Variants in DRC11 observed in about 807,000 individuals in gnomAD.
DRC11 encodes dynein regulatory complex subunit 11.
chr2:236,371,843 T>C, the DRC11 span, among the ~76,000 whole-genome samples: 2 of 152,196 alleles, frequency 1.3e-5, no homozygotes, highest in African/African-American at 2.4e-5. The surrounding 1 kb of genome is among the most constrained non-coding windows in gnomAD (Gnocchi z 5.1). Context: ...GAGCATCTTA[T>C]GTATGTCACT....
the DRC11 span, among the ~76,000 whole-genome samples, chr2:236,309,371 T>C: frequency 6.6e-6 from 1 of 152,122 alleles, no homozygotes; most frequent in Non-Finnish European, 1.5e-5. This position sits in a 1 kb window ranked among gnomAD's most constrained non-coding sequence, Gnocchi z 5.7. Context: ...CTACCAAGTC[T>C]AGCCCATCCC....
At chr2:236,389,535 C>T in the DRC11 span, among the ~76,000 whole-genome samples, 3 of 152,154 alleles carry the variant, frequency 2.0e-5, no homozygotes, top group African/African-American at 4.8e-5. Flanking sequence ...GACCGGTGCG[C>T]GCACCCACTG....
At chr2:236,427,038 T>C in the DRC11 span, among the ~76,000 whole-genome samples, 1 of 152,210 alleles carries the variant, frequency 6.6e-6, no homozygotes, top group Non-Finnish European at 1.5e-5. This position sits in a 1 kb window ranked among gnomAD's most constrained non-coding sequence, Gnocchi z 5.9. Context: ...AAAATGATCA[T>C]ATGATTTTTA....
chr2:236,490,476 G>A, the DRC11 span, among the ~76,000 whole-genome samples: 6 of 152,184 alleles, frequency 3.9e-5, no homozygotes, highest in African/African-American at 9.7e-5. The surrounding 1 kb of genome is among the most constrained non-coding windows in gnomAD (Gnocchi z 5.5). Context: ...CAAATTTGCA[G>A]TGAGCACACA....
chr2:236,367,117 G>C, the DRC11 span, among the ~76,000 whole-genome samples: 1 of 150,682 alleles, frequency 6.6e-6, no homozygotes, highest in Non-Finnish European at 1.5e-5. The surrounding 1 kb of genome is among the most constrained non-coding windows in gnomAD (Gnocchi z 4.8). Flanking sequence ...ACTATGCCTG[G>C]CTCACTGGTG....
At chr2:236,347,502 A>C in the DRC11 span, among the ~76,000 whole-genome samples, 3 of 144,234 alleles carry the variant, frequency 2.1e-5, no homozygotes, top group East Asian at 5.9e-4. Context: ...GGATAAAAAA[A>C]CTGTGCTATA....
the DRC11 span, among the ~76,000 whole-genome samples, chr2:236,409,257 A>T: frequency 6.6e-6 from 1 of 152,182 alleles, no homozygotes; most frequent in African/African-American, 2.4e-5. Flanking sequence ...GGCACACACC[A>T]TCATGCCTGG....
At chr2:236,435,301 G>A in the DRC11 span, among the ~76,000 whole-genome samples, 1 of 152,236 alleles carries the variant, frequency 6.6e-6, no homozygotes, top group Admixed American at 6.5e-5. Flanking sequence ...GACGTGAACA[G>A]CATCCATGGC....
chr2:236,368,193 C>A, the DRC11 span: 4 of 1,591,042 alleles, frequency 2.5e-6, no homozygotes, highest in East Asian at 2.2e-5. Flanking sequence ...CGAGTCTTTA[C>A]CTAATGGCCA....
chr2:236,388,598 T>A, the DRC11 span, among the ~76,000 whole-genome samples: 20 of 148,076 alleles, frequency 1.4e-4, no homozygotes, highest in South Asian at 2.7e-3. Context: ...TTCTTTGCCT[T>A]TGGTTTGAAT....
chr2:236,492,627 C>G, the DRC11 span, among the ~76,000 whole-genome samples: 8 of 152,214 alleles, frequency 5.3e-5, no homozygotes, highest in Non-Finnish European at 1.0e-4. Context: ...CAAGTGCTGC[C>G]TTACAGCTTA....
the DRC11 span, among the ~76,000 whole-genome samples, chr2:236,420,558 G>A: frequency 6.6e-6 from 1 of 152,110 alleles, no homozygotes; most frequent in Non-Finnish European, 1.5e-5. The surrounding 1 kb of genome is among the most constrained non-coding windows in gnomAD (Gnocchi z 4.8). Context: ...AAAGGCGAGA[G>A]GTGAAGCATG....
the DRC11 span, chr2:236,399,431 C>T: frequency 6.2e-7 from 1 of 1,613,906 alleles, no homozygotes; most frequent in Non-Finnish European, 8.5e-7. This position sits in a 1 kb window ranked among gnomAD's most constrained non-coding sequence, Gnocchi z 7.0. Flanking sequence ...GCGTTACATC[C>T]TTCCTTCATT....
the DRC11 span, among the ~76,000 whole-genome samples, chr2:236,307,738 G>A: frequency 4.8e-4 from 73 of 152,184 alleles, no homozygotes; most frequent in African/African-American, 1.7e-3. The surrounding 1 kb of genome is among the most constrained non-coding windows in gnomAD (Gnocchi z 7.0). Flanking sequence ...TTGAGGGTGT[G>A]GAATTAAAAT....
chr2:236,367,587 G>A, the DRC11 span: 1 of 151,884 alleles, frequency 6.6e-6, no homozygotes, highest in African/African-American at 2.4e-5. The surrounding 1 kb of genome is among the most constrained non-coding windows in gnomAD (Gnocchi z 4.8). Flanking sequence ...ACATATCAAA[G>A]CCATAAAGAA....
At chr2:236,410,962 T>A in the DRC11 span, among the ~76,000 whole-genome samples, 1 of 143,800 alleles carries the variant, frequency 7.0e-6, no homozygotes, top group Non-Finnish European at 1.5e-5. Context: ...AACCTAGGCA[T>A]TACCATTCAG....
the DRC11 span, among the ~76,000 whole-genome samples, chr2:236,362,792 A>G: frequency 6.6e-6 from 1 of 152,204 alleles, no homozygotes; most frequent in Non-Finnish European, 1.5e-5. The surrounding 1 kb of genome is among the most constrained non-coding windows in gnomAD (Gnocchi z 5.7). Context: ...TATACTCTAC[A>G]GTTTCCTCTC....
chr2:236,497,302 G>A, the DRC11 span: 1 of 1,613,910 alleles, frequency 6.2e-7, no homozygotes, highest in South Asian at 1.1e-5. The surrounding 1 kb of genome is among the most constrained non-coding windows in gnomAD (Gnocchi z 5.1). Flanking sequence ...TCGTTTCTGG[G>A]GGTGGACGAA....
chr2:236,337,904 C>T, the DRC11 span, among the ~76,000 whole-genome samples: 9 of 152,198 alleles, frequency 5.9e-5, no homozygotes, highest in African/African-American at 9.6e-5. The surrounding 1 kb of genome is among the most constrained non-coding windows in gnomAD (Gnocchi z 4.9). Flanking sequence ...TTAATCTACC[C>T]GTCCCAAGAA....
Sources: gnomAD v4.1 joint callset for allele counts (sites outside exome capture counted in the v4.1 genomes callset) on GRCh38, gnomAD v4.1.1 for gene constraint, Gnocchi (gnomAD v3.1) non-coding constraint, MANE v1.5 for transcripts, NCBI Gene and HGNC (gene_info 2026-07-23, HGNC 2026-07-21) for gene names.